The following ASPM variants were observed in gnomAD, a reference collection of about 807,000 sequenced individuals.
The protein encoded by ASPM is abnormal spindle-like microcephaly-associated protein.
Under a neutral mutation model 366.4 loss-of-function variants are expected in ASPM, and 256 were observed. That is an observed-to-expected ratio of 0.70 (90% CI 0.63 to 0.77). The LOEUF (loss-of-function observed/expected upper bound fraction) is 0.77. ASPM is among the 30% of genes least tolerant of loss of function. The pLI, the probability that ASPM is intolerant of heterozygous loss-of-function variation, is 0.00. For missense variants in ASPM, 4,146 were observed against 4,090.4 expected, an observed-to-expected ratio of 1.01 and a Z score of -0.37; for synonymous variants, 1,414 against 1,342.9, an observed-to-expected ratio of 1.05 and a Z score of -1.16.
In ASPM at chr1:197,104,465, G is replaced by A. The variant is rs1312684791; in HGVS notation, c.4786C>T (p.His1596Tyr). ...IIKFQAHVRK[H>Y]QQRQKYKKMK... The stretch of plus-strand genomic sequence containing the variant: ...TTCTTATATTTCTGTCGTTGTTGAT[G>A]TTTTCTTACATGTGCCTGAAATTTG... The change falls in exon 18 of 28, where the codon CAT (histidine) becomes TAT (tyrosine). Residue 1596 changes from histidine to tyrosine, a missense_variant. Transcript: ENST00000367409. 2 of 1,612,746 alleles carry A rather than the reference G, an allele frequency of 1.2e-6. No homozygotes were observed. Among genetic ancestry groups the A allele is most frequent in the Non-Finnish European group, 1.7e-6 (2 of 1,179,334 alleles).
intron 16 of ASPM, among the ~76,000 whole-genome samples, chr1:197,119,518 A>T (rs1431270782): frequency 6.6e-6 from 1 of 152,176 alleles, no homozygotes; most frequent in Non-Finnish European, 1.5e-5. Flanking sequence ...ATGCCATTAG[A>T]GAATTTAAAG....
At position 197,142,720 on chromosome 1, in the gene ASPM, TCA is replaced by T. The variant is rs1404276011; in HGVS notation, c.1530_1531del (p.Glu511AspfsTer2). 4 of 1,613,940 alleles carry T rather than the reference TCA, an allele frequency of 2.5e-6. No individual in the cohort carries two copies. Among genetic ancestry groups the T allele is most frequent in the Middle Eastern group, 1.6e-4 (1 of 6,082 alleles). The stretch of plus-strand genomic sequence containing the variant: ...TCTTTTTGCTTTTGGTTTATTAATC[TCA>T]GTTTGGTTTTCTCTGGTACAGGTGG... On this transcript the variant is annotated frameshift_variant, in exon 3 of 28. Transcript: ENST00000367409. LOFTEE classifies it high-confidence loss of function.
At position 197,089,996 on chromosome 1, in the gene ASPM, A is replaced by T; in HGVS notation, c.9918T>A (p.Cys3306Ter). ...CTTCCATACAAGGAATACTGCGATT[A>T]CAACTTCGGATCAAAACAAATATTT... is the stretch of plus-strand genomic sequence containing the variant. The part of the protein sequence containing the change: ...ISKIFVLIRS[C>*]NRSIPCMEVI... The change falls in exon 25 of 28, where the codon TGT (cysteine) becomes TGA (stop). Residue 3306 changes from cysteine (C) to a stop codon, truncating the protein, a stop_gained. Coordinates refer to ENST00000367409, the MANE Select transcript of ASPM (RefSeq NM_018136.5). LOFTEE classifies it high-confidence loss of function. 6.2e-7 allele frequency: 1 copy of T among 1,613,354 alleles called. No individual in the cohort carries two copies. Among genetic ancestry groups the T allele is most frequent in the Non-Finnish European group, 8.5e-7 (1 of 1,179,528 alleles).
At chr1:197,126,224 T>C (rs1658084614) in intron 10 of ASPM, among the ~76,000 whole-genome samples, 1 of 152,048 alleles carries the variant, frequency 6.6e-6, no homozygotes, top group African/African-American at 2.4e-5. Flanking sequence ...GTGGATCACC[T>C]GAGGTCAGGA....
rs772680569 is a variant in ASPM at position 197,144,077 on chromosome 1, A to C, written c.321T>G (p.Ser107=). The part of the protein sequence containing the change: ...VLQPKEKIVI[S]VNWTPLKEGR... Reference sequence around the variant, plus strand: ...CTTCTTTGAGTGGTGTCCAGTTAACAGAAATAACAATTTTCTCTTTAGGCT... The same window carrying C: ...CTTCTTTGAGTGGTGTCCAGTTAACCGAAATAACAATTTTCTCTTTAGGCT... The change falls in exon 2 of 28, where the codon TCT becomes TCG. Residue 107 remains serine, a synonymous_variant. Coordinates refer to ENST00000367409, the MANE Select transcript of ASPM (RefSeq NM_018136.5). 7.5e-6 allele frequency: 12 copies of C among 1,605,988 alleles called. No homozygotes were observed. Among genetic ancestry groups the C allele is most frequent in the Non-Finnish European group, 1.0e-5 (12 of 1,173,090 alleles).
At position 197,103,798 on chromosome 1, in the gene ASPM, C is replaced by A. The variant is rs549895947; in HGVS notation, c.5453G>T (p.Arg1818Leu). ...TATAGATTGTTGTTTGATTAGCTGG[C>A]GTACTTTATAACCTCTGTAAGCTGC... ...LQAAYRGYKV[R>L]QLIKQQSIAA... is the part of the protein sequence containing the mutation. The change falls in exon 18 of 28, where the codon CGC (arginine) becomes CTC (leucine). Residue 1818 changes from arginine (R) to leucine (L), a missense_variant. Coordinates refer to ENST00000367409, the MANE Select transcript of ASPM (RefSeq NM_018136.5). 2 of 1,612,910 alleles carry A rather than the reference C, an allele frequency of 1.2e-6. No homozygotes were observed. Among genetic ancestry groups the A allele is most frequent in the South Asian group, 2.2e-5 (2 of 91,070 alleles).
intron 16 of ASPM, among the ~76,000 whole-genome samples, chr1:197,118,865 TCA>T (rs1332478653): frequency 6.6e-6 from 1 of 152,122 alleles, no homozygotes; most frequent in Non-Finnish European, 1.5e-5. Flanking sequence ...TCAATTTACT[TCA>T]CTGGAATTGG....
intron 7 of ASPM, 58 bp downstream of exon 7, chr1:197,132,227 T>G: frequency 7.5e-7 from 1 of 1,326,090 alleles, no homozygotes. Flanking sequence ...ATGAGTCTAT[T>G]CTACAAAAAG....
At chr1:197,084,565 A>G (rs553670483) in intron 27 of ASPM, 139 bp from the exon 28 acceptor site, 151 of 661,846 alleles carry the variant, frequency 2.3e-4, no homozygotes, top group Admixed American at 1.2e-3. Context: ...AGGTGGGAGA[A>G]CTTCATATTA....
intron 19 of ASPM, among the ~76,000 whole-genome samples, chr1:197,095,477 GC>G (rs1342330717): frequency 5.9e-5 from 9 of 151,706 alleles, no homozygotes; most frequent in African/African-American, 1.9e-4. Context: ...TCTGGTAACA[GC>G]TTCTGAAAAT....
At chr1:197,090,722 T>G (rs1159687169) in intron 23 of ASPM, 128 bp downstream of exon 23, 5 of 848,698 alleles carry the variant, frequency 5.9e-6, no homozygotes, top group South Asian at 3.2e-5. Context: ...AGTATAGTGC[T>G]TATGAGTTAT....
chr1:197,125,377 T>A (rs1658060630), intron 10 of ASPM, among the ~76,000 whole-genome samples, 186 bp from the exon 11 acceptor site: 2 of 152,112 alleles, frequency 1.3e-5, no homozygotes, highest in South Asian at 4.1e-4. Flanking sequence ...TTATTTTAAG[T>A]TTGGGATTGA....
chr1:197,104,417 T>C lies in ASPM; in HGVS notation c.4834A>G (p.Ile1612Val). Residue 1612 changes from isoleucine to valine, a missense_variant, in exon 18 of 28, where the codon ATT becomes GTT. This residue lies in a region of ASPM where 3,624 missense variants were observed against 3,591.7 expected (regional missense o/e 1.01). Transcript: ENST00000367409. ...ATATAAGCTCGGAAATGAGTCTGAA[T>C]TATAACAGCTGCTTTCTTCATCTTC... The part of the protein sequence containing the change: ...YKKMKKAAVI[I>V]QTHFRAYIFA... 6.2e-6 allele frequency: 10 copies of C among 1,613,102 alleles called. No individual in the cohort carries two copies. Among genetic ancestry groups the C allele is most frequent in the Non-Finnish European group, 8.5e-6 (10 of 1,179,424 alleles).
In ASPM at chr1:197,142,354, T is replaced by C. The variant is rs1268831547; in HGVS notation, c.1898A>G (p.Lys633Arg). The C allele has an allele frequency of 5.0e-6, 8 of 1,613,752 alleles. No homozygotes were observed. Among genetic ancestry groups the C allele is most frequent in the Non-Finnish European group, 5.9e-6 (7 of 1,179,788 alleles). The stretch of plus-strand genomic sequence containing the variant: ...ACCAGTTTTCTTCTTCAGGTTTAAT[T>C]TCTCTCTGTTGCTAATACGTTTTGA... The part of the protein sequence containing the change: ...PISKRISNRE[K>R]LNLKKKTDLS... Residue 633 changes from lysine (K) to arginine (R), a missense_variant, in exon 3 of 28, where the codon AAA becomes AGA. Lys to Arg is a conservative substitution (Grantham distance 26, BLOSUM62 2). Coordinates refer to ENST00000367409, the MANE Select transcript of ASPM (RefSeq NM_018136.5).
At chr1:197,100,318 C>T (rs1657110645) in intron 18 of ASPM, 113 bp downstream of exon 18, 1 of 764,052 alleles carries the variant, frequency 1.3e-6, no homozygotes, top group Non-Finnish European at 2.0e-6. Context: ...TAAATGGTCA[C>T]CTCAACTAAG....
rs1158209678 is a variant in ASPM, at chr1:197,101,885, G to A, written c.7366C>T (p.His2456Tyr). The change falls in exon 18 of 28, where the codon CAC becomes TAC. Residue 2456 changes from histidine (H) to tyrosine (Y), a missense_variant. Physicochemically the swap from His to Tyr is moderately conservative, Grantham distance 83. Coordinates refer to ENST00000367409, the MANE Select transcript of ASPM (RefSeq NM_018136.5). ...CAKHKLYQFL[H>Y]LRKAAITIQS... is the part of the protein sequence containing the mutation. ...ATTGTAATGGCTGCCTTTCTTAAGT[G>A]CAAGAATTGGTACAATTTATGTTTG... is the stretch of plus-strand genomic sequence containing the variant. The A allele has an allele frequency of 2.5e-6, 4 of 1,612,668 alleles. No homozygotes were observed. The highest frequency in any genetic ancestry group is 1.3e-5 in the African/African-American group (1 of 74,792).
In ASPM at chr1:197,102,645, T is replaced by A. The variant is rs373173968; in HGVS notation, c.6606A>T (p.Arg2202Ser). ...TATTAAAGTATGTTTGCTGTCTGTA[T>A]CTTCTGTAGTTTGACTGAATGAGTG... is the stretch of plus-strand genomic sequence containing the variant. The part of the protein sequence containing the change: ...AATLIQSNYR[R>S]YRQQTYFNKL... Residue 2202 changes from arginine to serine, a missense_variant, in exon 18 of 28, where the codon AGA (arginine) becomes AGT (serine). Physicochemically the swap from Arg to Ser is moderately radical, Grantham distance 110. This residue lies in a region of ASPM where 3,624 missense variants were observed against 3,591.7 expected (regional missense o/e 1.01). Transcript: ENST00000367409. 1.7e-5 allele frequency: 27 copies of A among 1,612,648 alleles called. No homozygotes were observed. Among genetic ancestry groups the A allele is most frequent in the Non-Finnish European group, 2.3e-5 (27 of 1,179,302 alleles).
chr1:197,101,865 A>C lies in ASPM; in HGVS notation c.7386T>G (p.Ile2462Met). The change falls in exon 18 of 28, where the codon ATT becomes ATG. Residue 2462 changes from isoleucine to methionine, a missense_variant. By Grantham distance (10) the Ile-to-Met change is conservative (BLOSUM62 1). Coordinates refer to ENST00000367409, the MANE Select transcript of ASPM (RefSeq NM_018136.5). ...YQFLHLRKAA[I>M]TIQSSYRRLM... Reference sequence around the variant, plus strand: ...GTCTTCTGTAAGATGACTGTATTGTAATGGCTGCCTTTCTTAAGTGCAAGA... The same window carrying C: ...GTCTTCTGTAAGATGACTGTATTGTCATGGCTGCCTTTCTTAAGTGCAAGA... The C allele has an allele frequency of 1.2e-6, 2 of 1,612,822 alleles. No homozygotes were observed. Among genetic ancestry groups the C allele is most frequent in the Non-Finnish European group, 1.7e-6 (2 of 1,179,326 alleles).
At chr1:197,137,696 G>T (rs1383337875) in intron 4 of ASPM, among the ~76,000 whole-genome samples, 1 of 152,162 alleles carries the variant, frequency 6.6e-6, no homozygotes, top group Non-Finnish European at 1.5e-5. Context: ...AGCCGGGCAG[G>T]TCACAAACTC....
Sources: gnomAD v4.1 joint callset for allele counts (sites outside exome capture counted in the v4.1 genomes callset) on GRCh38, gnomAD v4.1.1 for gene constraint, gnomAD v4.1.1 regional missense constraint, MANE v1.5 for transcripts, NCBI Gene and HGNC (gene_info 2026-07-23, HGNC 2026-07-21) for gene names.